Variants in WSCD1 observed in about 807,000 individuals in gnomAD.
WSCD1 encodes the protein WSC domain sialate O sulfotransferase 1.
Under a neutral mutation model 60.4 loss-of-function variants are expected in WSCD1, and 41 were observed. The observed-to-expected ratio is 0.68, with a 90% CI of 0.53 to 0.88. The LOEUF is 0.88. Among genes scored for constraint, WSCD1 ranks in the 40% least tolerant of loss-of-function variants. The pLI is 0.00. For synonymous variants in WSCD1, 361 were observed against 332.5 expected (o/e 1.09, Z -0.93); for missense variants, 784 against 796.2 (o/e 0.98, Z 0.18).
intron 2 of WSCD1, 37 bp downstream of exon 2, chr17:6,081,122 G>C: frequency 6.6e-7 from 1 of 1,506,684 alleles, no homozygotes; most frequent in African/African-American, 1.4e-5. Context: ...GCTGTTCCCA[G>C]GACCCCCCAT....
rs142078040 is a variant in WSCD1, at chr17:6,109,133, C to T, written c.850-474C>T. ...AGGTCTGTTCATTAGTGGTGTGACACGTGGATCCTTGGGGATGCCCTAAGT... is the reference window on the plus strand; with the variant it reads ...AGGTCTGTTCATTAGTGGTGTGACATGTGGATCCTTGGGGATGCCCTAAGT... On this transcript the variant is annotated intron_variant, in intron 5 of 8. Coordinates refer to ENST00000317744, the MANE Select transcript of WSCD1 (RefSeq NM_015253.2). Among the ~76,000 whole-genome samples the T allele has an allele frequency of 1.7e-3, 265 of 152,284 alleles. 1 individual carries two copies. Among genetic ancestry groups the T allele is most frequent in the East Asian group, 1.9e-3 (10 of 5,178 alleles).
chr17:6,094,589 G>A (rs189693143), intron 4 of WSCD1, among the ~76,000 whole-genome samples: 9 of 131,712 alleles, frequency 6.8e-5, no homozygotes, highest in African/African-American at 2.3e-4. Flanking sequence ...AGAAGGAAGG[G>A]AGGAAGGAAG....
chr17:6,108,583 C>T (rs896652563), intron 5 of WSCD1, among the ~76,000 whole-genome samples: 1 of 152,218 alleles, frequency 6.6e-6, no homozygotes, highest in African/African-American at 2.4e-5. Context: ...TGACCTCTTC[C>T]TCCTTGGAAG....
upstream of WSCD1, chr17:6,069,226 G>C (rs1048120402): frequency 2.8e-5 from 11 of 398,736 alleles, no homozygotes; most frequent in Non-Finnish European, 4.0e-5. Flanking sequence ...AGGGTCCACC[G>C]GTGCACATGG....
At chr17:6,097,649 G>A (rs1425075119) in intron 5 of WSCD1, among the ~76,000 whole-genome samples, 1 of 152,224 alleles carries the variant, frequency 6.6e-6, no homozygotes, top group African/African-American at 2.4e-5. Flanking sequence ...CGATGCGGCA[G>A]TGACTACCTG....
intron 8 of WSCD1, among the ~76,000 whole-genome samples, chr17:6,119,615 C>T (rs776212828): frequency 1.2e-4 from 19 of 152,202 alleles, no homozygotes; most frequent in East Asian, 1.9e-4. Flanking sequence ...AGACAGCCCC[C>T]GACAGTCAGG....
At chr17:6,086,838 C>T (rs55692445) in intron 2 of WSCD1, among the ~76,000 whole-genome samples, 50,227 of 151,874 alleles carry the variant, frequency 0.33, 9,146 homozygotes, top group East Asian at 0.6. Flanking sequence ...CCTCACGGAG[C>T]ATCCAGGCCT....
intron 2 of WSCD1, among the ~76,000 whole-genome samples, chr17:6,081,436 C>T (rs556632880): frequency 1.2e-4 from 18 of 151,980 alleles, no homozygotes; most frequent in African/African-American, 3.6e-4. Flanking sequence ...ATAGGTTGGG[C>T]GCAGTGGCTC....
intron 1 of WSCD1, among the ~76,000 whole-genome samples, chr17:6,072,256 C>T (rs1459236024): frequency 6.6e-6 from 1 of 152,240 alleles, no homozygotes; most frequent in Non-Finnish European, 1.5e-5. Flanking sequence ...CCTAACCGAG[C>T]AGAAGTGGAT....
intron 3 of WSCD1, 120 bp downstream of exon 3, chr17:6,088,224 C>A: frequency 1.2e-6 from 1 of 808,360 alleles, no homozygotes; most frequent in Non-Finnish European, 2.0e-6. Context: ...ACTCACTGCT[C>A]AGATCCCAGT....
chr17:6,099,542 G>A (rs1252696230), intron 5 of WSCD1, among the ~76,000 whole-genome samples: 1 of 151,890 alleles, frequency 6.6e-6, no homozygotes, highest in African/African-American at 2.4e-5. Context: ...GAGAGCAACT[G>A]GGTTCACTCA....
chr17:6,094,680 G>GGGAA (rs901036031), intron 4 of WSCD1, among the ~76,000 whole-genome samples: 51 of 146,682 alleles, frequency 3.5e-4, no homozygotes, highest in East Asian at 1.2e-3. Context: ...AAGCAAGAGA[G>GGGAA]GGAAGGAAGG....
In WSCD1 at chr17:6,090,331, T is replaced by C. The variant is rs1047675608; in HGVS notation, c.553T>C (p.Tyr185His). 4.4e-6 allele frequency: 7 copies of C among 1,602,758 alleles called. No individual in the cohort carries two copies. The highest frequency in any genetic ancestry group is 6.0e-6 in the Non-Finnish European group (7 of 1,175,372). The part of the protein sequence containing the change: ...QDACAERSYV[Y>H]AGLEAGAECY... ...GCCTCCTCCCTGCAGGTCCTATGTC[T>C]ACGCCGGCTTGGAGGCCGGGGCGGA... is the stretch of plus-strand genomic sequence containing the variant. The change falls in exon 4 of 9, where the codon TAC (tyrosine) becomes CAC (histidine). Residue 185 changes from tyrosine (Y) to histidine (H), a missense_variant. Coordinates refer to ENST00000317744, the MANE Select transcript of WSCD1 (RefSeq NM_015253.2).
Position 6,120,844 on chromosome 17 carries a change from C to A in WSCD1, c.*183C>A. On this transcript the variant is annotated 3_prime_UTR_variant, in exon 9 of 9. Coordinates refer to ENST00000317744, the MANE Select transcript of WSCD1 (RefSeq NM_015253.2). ...ACAGACACACATCACAAGGCGAACA[C>A]AAATGGACACACATACCTGGCCACG... 3.1e-6 allele frequency: 2 copies of A among 641,634 alleles called. No individual in the cohort carries two copies. Among genetic ancestry groups the A allele is most frequent in the East Asian group, 2.8e-5 (1 of 36,200 alleles). 39.7% of individuals were successfully genotyped at this position (641,634 alleles called of 1,614,324 possible).
rs7210135 is a variant in WSCD1 at position 6,121,804 on chromosome 17, G to A, written c.*1143G>A. ...AGGTCTGGTCCTGCCAGCCTGGGATGGGGGTCAATGTATGCTACACATCTT... is the reference window on the plus strand; with the variant it reads ...AGGTCTGGTCCTGCCAGCCTGGGATAGGGGTCAATGTATGCTACACATCTT... On this transcript the variant is annotated 3_prime_UTR_variant, in exon 9 of 9. Coordinates refer to ENST00000317744, the MANE Select transcript of WSCD1 (RefSeq NM_015253.2). The A allele has an allele frequency of 0.19, 29,126 of 152,234 alleles. 2,971 individuals carry two copies. Among genetic ancestry groups the A allele is most frequent in the African/African-American group, 0.23 (9,359 of 41,498 alleles). 9.4% of individuals were successfully genotyped at this position (152,234 alleles called of 1,614,324 possible).
At chr17:6,070,781 C>A (rs1908488166) in intron 1 of WSCD1, 129 bp downstream of exon 1, 1 of 151,422 alleles carries the variant, frequency 6.6e-6, no homozygotes, top group South Asian at 2.1e-4. Flanking sequence ...CCTGCTCCGG[C>A]TGCAGGGCGG....
At chr17:6,098,913 G>T (rs565846942) in intron 5 of WSCD1, among the ~76,000 whole-genome samples, 1 of 152,240 alleles carries the variant, frequency 6.6e-6, no homozygotes, top group South Asian at 2.1e-4. Flanking sequence ...AAAGGAAGAT[G>T]GTTGCAACTT....
intron 8 of WSCD1, 52 bp from the exon 9 acceptor site, chr17:6,120,257 A>G: frequency 6.4e-7 from 1 of 1,569,982 alleles, no homozygotes; most frequent in Non-Finnish European, 8.7e-7. Context: ...GGGGACCGGC[A>G]GCCCTGGCAG....
In WSCD1 at chr17:6,110,773, A is replaced by G; in HGVS notation, c.1012A>G (p.Thr338Ala). The G allele has an allele frequency of 1.2e-6, 2 of 1,607,896 alleles. No individual in the cohort carries two copies. Among genetic ancestry groups the G allele is most frequent in the African/African-American group, 1.3e-5 (1 of 74,868 alleles). Residue 338 changes from threonine (T) to alanine (A), a missense_variant and splice_region_variant, in exon 7 of 9, where the codon ACT becomes GCT. Physicochemically the swap from Thr to Ala is moderately conservative, Grantham distance 58 (BLOSUM62 0). Transcript: ENST00000317744. The surrounding 1 kb of genome is among the most constrained non-coding windows in gnomAD (Gnocchi z 4.8). ...CGTGATGACTTTTGGACTTTCAGAC[A>G]CTCGTTGTACAGACAGGAGGTTCCT... ...CEVYQTPVQD[T>A]RCTDRRFLPN...
Sources: allele counts gnomAD v4.1 joint callset (sites outside exome capture counted in the v4.1 genomes callset), GRCh38; gene constraint gnomAD v4.1.1; non-coding constraint Gnocchi (gnomAD v3.1); transcripts MANE v1.5; gene names NCBI Gene and HGNC (gene_info 2026-07-23, HGNC 2026-07-21).